The following F8 variants were observed in gnomAD, a reference collection of about 807,000 sequenced individuals.
F8 encodes the protein coagulation factor VIII.
In F8, 12 loss-of-function variants were observed where a neutral mutation model predicts 140.6. The ratio of observed to expected loss-of-function variants is 0.09; its 90% CI spans 0.05 to 0.14. The LOEUF is 0.14. F8 is among the 10% of genes least tolerant of loss of function. The pLI is 1.00. For synonymous variants in F8, 585 were observed against 614.6 expected (o/e 0.95, Z 0.71); for missense variants, 1,354 against 1,720.7 (o/e 0.79, Z 3.77).
rs782791962 is a variant in F8 at position 154,929,111 on chromosome X, G to C, written c.4679C>G (p.Pro1560Arg). 4.3e-5 allele frequency: 52 copies of C among 1,209,713 alleles called. No individual in the cohort carries two copies. In the South Asian group the frequency reaches 8.5e-4, roughly 20 times the overall value. ...TACTCTCAGAAAGGGAACTTTTCCA[G>C]GTCTGTTTGCTTCATTCCACTTAAT... is the stretch of plus-strand genomic sequence containing the variant. Reference protein sequence around the residue: ...GAIKWNEANRPGKVPFLRVAT... With the variant: ...GAIKWNEANRRGKVPFLRVAT... The change falls in exon 14 of 26, where the codon CCT becomes CGT. Residue 1560 changes from proline (P) to arginine (R), a missense_variant. By Grantham distance (103) the Pro-to-Arg change is moderately radical (BLOSUM62 -2). Transcript: ENST00000360256.
intron 1 of F8, among the ~76,000 whole-genome samples, chrX:155,002,307 T>G (rs931044156): frequency 6.2e-5 from 7 of 112,506 alleles, no homozygotes; most frequent in Admixed American, 9.4e-5. Flanking sequence ...ATGGTTAATT[T>G]TATATGTCAA....
chrX:154,843,355 T>C (rs1557271462), intron 25 of F8, among the ~76,000 whole-genome samples: 3 of 112,162 alleles, frequency 2.7e-5, no homozygotes, highest in South Asian at 7.4e-4. Flanking sequence ...TTCTAGATCC[T>C]TGAGGAATCG....
rs1253787326 is a variant in F8, at chrX:154,900,972, C to T, written c.6187+399G>A. On this transcript the variant is annotated intron_variant, in intron 20 of 25. Transcript: ENST00000360256. ...GAAAATCTGTTCATAGCTCACATGCCATACAAAAACAGGCAGTGTGCTGCA... is the reference window on the plus strand; with the variant it reads ...GAAAATCTGTTCATAGCTCACATGCTATACAAAAACAGGCAGTGTGCTGCA... 1.8e-5 allele frequency among the ~76,000 whole-genome samples: 2 copies of T among 112,588 alleles called. 1 individual carries two copies. The highest frequency in any genetic ancestry group is 3.8e-5 in the Non-Finnish European group (2 of 53,311).
intron 14 of F8, among the ~76,000 whole-genome samples, chrX:154,912,819 G>A (rs1190198889): frequency 2.6e-4 from 29 of 111,840 alleles, no homozygotes; most frequent in African/African-American, 9.1e-4. Flanking sequence ...CATGGTGGAA[G>A]GTGAAGGGGA....
At chrX:154,981,542 TA>T (rs2073521043) in intron 6 of F8, among the ~76,000 whole-genome samples, 1 of 109,988 alleles carries the variant, frequency 9.1e-6, no homozygotes, top group African/African-American at 3.3e-5. Context: ...GATGCATATA[TA>T]AGGAAGGGTA....
rs1461162067 is a variant in F8 at position 154,964,958 on chromosome X, C to G, written c.1443+1012G>C. On this transcript the variant is annotated intron_variant, in intron 9 of 25. Transcript: ENST00000360256. ...AGATAAATAACAATGTGTCAATATC[C>G]ATAATCTATAAAGACCTTTTACAAA... Among the ~76,000 whole-genome samples the G allele has an allele frequency of 3.6e-5, 4 of 111,699 alleles. No individual in the cohort carries two copies. The East Asian group carries it at 8.3e-4, about 23-fold the overall frequency.
At chrX:154,873,338 A>G (rs57998704) in intron 22 of F8, among the ~76,000 whole-genome samples, 1,325 of 107,402 alleles carry the variant, frequency 0.012, 23 homozygotes, top group African/African-American at 0.043. Flanking sequence ...GTGATTCTCC[A>G]CCTCAGCCTC....
rs1557276220 is a variant in F8, at chrX:154,904,880, T to C, written c.5517A>G (p.Gln1839=). The change falls in exon 16 of 26, where the codon CAA becomes CAG. Residue 1839 remains glutamine, a synonymous_variant. Coordinates refer to ENST00000360256, the MANE Select transcript of F8 (RefSeq NM_000132.4). ...NETKTYFWKV[Q]HHMAPTKDEF... Reference sequence around the variant, plus strand: ...CATCTTTAGTGGGTGCCATATGATGTTGCACTTTCCAAAAGTAAGTTTTGG... The same window carrying C: ...CATCTTTAGTGGGTGCCATATGATGCTGCACTTTCCAAAAGTAAGTTTTGG... 7 of 1,211,250 alleles carry C rather than the reference T, an allele frequency of 5.8e-6. No individual in the cohort carries two copies. The South Asian group carries it at 7.0e-5, about 12-fold the overall frequency.
intron 22 of F8, 129 bp downstream of exon 22, chrX:154,895,948 T>C (rs2072976545): frequency 4.5e-6 from 3 of 661,397 alleles, no homozygotes; most frequent in African/African-American, 4.3e-5. Flanking sequence ...AATAACTCTA[T>C]TGCTCATAAG....
chrX:154,928,672 G>T lies in F8; in HGVS notation c.5118C>A (p.Ser1706Arg). ...GTGTTTTCTTTTGAAAGCTGCGGGG[G>T]CTCTGATTTTCATCCTCATCATAAA... ...FDIYDEDENQSPRSFQKKTRH... is the reference protein window; with the variant it reads ...FDIYDEDENQRPRSFQKKTRH... Residue 1706 changes from serine to arginine, a missense_variant, in exon 14 of 26, where the codon AGC becomes AGA. By Grantham distance (110) the Ser-to-Arg change is moderately radical (BLOSUM62 -1). Coordinates refer to ENST00000360256, the MANE Select transcript of F8 (RefSeq NM_000132.4). 1 of 1,209,693 alleles carries T rather than the reference G, an allele frequency of 8.3e-7. No individual in the cohort carries two copies. Among genetic ancestry groups the T allele is most frequent in the Non-Finnish European group, 1.1e-6 (1 of 894,614 alleles).
chrX:154,997,587 T>C (rs1003531352), intron 2 of F8, among the ~76,000 whole-genome samples: 6 of 111,528 alleles, frequency 5.4e-5, no homozygotes, highest in African/African-American at 2.0e-4. Context: ...TTTTCAAAGA[T>C]CTAGTGGAAG....
At chrX:154,995,134 ATGTT>A (rs1426839311) in intron 3 of F8, among the ~76,000 whole-genome samples, 2 of 111,981 alleles carry the variant, frequency 1.8e-5, no homozygotes, top group Non-Finnish European at 1.9e-5. Context: ...TGATGGGCAC[ATGTT>A]TGTTTGTTAT....
chrX:155,002,348 T>C (rs1185014393), intron 1 of F8, among the ~76,000 whole-genome samples: 1 of 112,264 alleles, frequency 8.9e-6, no homozygotes, highest in Non-Finnish European at 1.9e-5. Context: ...CCCAGATACA[T>C]GGCAAAACAG....
chrX:155,002,906 T>C (rs1336938699), intron 1 of F8, among the ~76,000 whole-genome samples: 5 of 112,211 alleles, frequency 4.5e-5, no homozygotes, highest in Admixed American at 1.9e-4. Flanking sequence ...AGGCAGTATC[T>C]CTTTGTAGTT....
intron 10 of F8, among the ~76,000 whole-genome samples, chrX:154,958,701 C>A (rs1289814406): frequency 8.9e-6 from 1 of 111,790 alleles, no homozygotes; most frequent in African/African-American, 3.3e-5. Context: ...GCAACCTTCA[C>A]CTCCCAGTTT....
chrX:154,854,641 G>C (rs1473659293), intron 25 of F8, among the ~76,000 whole-genome samples: 1 of 107,900 alleles, frequency 9.3e-6, no homozygotes. Flanking sequence ...CTTGGTTCTG[G>C]TTTTGTTTCT....
At chrX:154,858,266 G>T (rs1203755649) in intron 25 of F8, among the ~76,000 whole-genome samples, 1 of 112,402 alleles carries the variant, frequency 8.9e-6, no homozygotes, top group African/African-American at 3.2e-5. Context: ...GGCTATGCAT[G>T]GGCTCAGCAA....
In F8 at chrX:154,928,755, C is replaced by T. The variant is rs782588756; in HGVS notation, c.5035G>A (p.Glu1679Lys). Residue 1679 changes from glutamate to lysine, a missense_variant, in exon 14 of 26, where the codon GAG (glutamate) becomes AAG (lysine). By Grantham distance (56) the Glu-to-Lys change is moderately conservative (BLOSUM62 1). Around this residue, in one of 4 missense-constraint regions of F8, gnomAD observed 658 missense variants for 666.5 expected, o/e 0.99. Transcript: ENST00000360256. ...ATGGTATCATCATAGTCAATTTCCT[C>T]TTGATCTGACTGAAGAGTAGTACGA... Reference protein sequence around the residue: ...ITRTTLQSDQEEIDYDDTISV... With the variant: ...ITRTTLQSDQKEIDYDDTISV... 1 of 1,211,440 alleles carries T rather than the reference C, an allele frequency of 8.3e-7. No homozygotes were observed. Among genetic ancestry groups the T allele is most frequent in the Admixed American group, 2.2e-5 (1 of 45,993 alleles).
intron 12 of F8, among the ~76,000 whole-genome samples, chrX:154,952,759 G>T (rs2073344299): frequency 9.1e-6 from 1 of 110,493 alleles, no homozygotes; most frequent in Non-Finnish European, 1.9e-5. Flanking sequence ...AGCCAGGATG[G>T]TCTCGATCTC....
Sources: gnomAD v4.1 joint callset for allele counts (sites outside exome capture counted in the v4.1 genomes callset) on GRCh38, gnomAD v4.1.1 for gene constraint, gnomAD v4.1.1 regional missense constraint, MANE v1.5 for transcripts, NCBI Gene and HGNC (gene_info 2026-07-23, HGNC 2026-07-21) for gene names.